Variants in MOB4 observed in about 807,000 individuals in gnomAD.
MOB4 encodes MOB family member 4, phocein, also known as MOB-like protein phocein.
A neutral mutation model predicts 32.2 loss-of-function variants in MOB4; 4 were observed. That is an observed-to-expected ratio of 0.12 (90% confidence interval 0.06 to 0.28). The LOEUF (loss-of-function observed/expected upper bound fraction) is 0.28. Ranked by LOEUF, MOB4 falls within the 10% of genes least tolerant of loss-of-function variation. The pLI, the probability that MOB4 is intolerant of heterozygous loss-of-function variation, is 1.00. For synonymous variants in MOB4, 88 were observed against 88.1 expected (o/e 1.00, Z 0.01); for missense variants, 158 against 271.2 (o/e 0.58, Z 2.93).
chr2:197,533,586 G>A (rs927597512), intron 2 of MOB4, among the ~76,000 whole-genome samples: 2 of 151,852 alleles, frequency 1.3e-5, no homozygotes, highest in African/African-American at 2.4e-5. Flanking sequence ...TTAGCCGGGC[G>A]TGATGGCAGG....
intron 1 of MOB4, among the ~76,000 whole-genome samples, chr2:197,518,471 A>G (rs1024045016): frequency 6.7e-6 from 1 of 149,084 alleles, no homozygotes; most frequent in Non-Finnish European, 1.5e-5. Context: ...CATGTTAACC[A>G]GGCTGGTCTC....
intron 2 of MOB4, 118 bp from the exon 3 acceptor site, chr2:197,535,412 A>G (rs1016415096): frequency 1.2e-6 from 1 of 837,614 alleles, no homozygotes. Context: ...TTTCCTATTT[A>G]GTGTATAACC....
In MOB4 at chr2:197,548,798, A is replaced by G. The variant is rs561049999; in HGVS notation, c.434+383A>G. On this transcript the variant is annotated intron_variant, in intron 6 of 7. Transcript: ENST00000323303. The stretch of plus-strand genomic sequence containing the variant: ...TCAAAGCTCAAGGCCAGTTCAGTCT[A>G]AGGCTAGTACCTGTTCATATATGTC... 4.6e-5 allele frequency among the ~76,000 whole-genome samples: 7 copies of G among 152,260 alleles called. No homozygotes were observed. In the South Asian group the frequency reaches 1.4e-3, roughly 32 times the overall value.
intron 2 of MOB4, among the ~76,000 whole-genome samples, chr2:197,535,084 G>A (rs911381058): frequency 1.3e-5 from 2 of 152,264 alleles, no homozygotes; most frequent in Non-Finnish European, 1.5e-5. Flanking sequence ...TTAGCCCGGC[G>A]TGATGGCGTG....
At chr2:197,516,638 C>G in intron 1 of MOB4, 1 of 472,242 alleles carries the variant, frequency 2.1e-6, no homozygotes, top group South Asian at 1.5e-5. Context: ...CTTGTCTAGC[C>G]GGATCCGGGT....
intron 2 of MOB4, chr2:197,533,687 T>A: frequency 3.3e-6 from 1 of 298,558 alleles, no homozygotes; most frequent in Non-Finnish European, 6.3e-6. Context: ...ACTGAGCCAT[T>A]GCACTCCAGC....
chr2:197,523,429 C>T (rs1343568466), intron 1 of MOB4, among the ~76,000 whole-genome samples, 195 bp from the exon 2 acceptor site: 1 of 152,166 alleles, frequency 6.6e-6, no homozygotes, highest in South Asian at 2.1e-4. Flanking sequence ...CCACTGCACA[C>T]AAGCATGGGC....
chr2:197,550,811 C>A lies in MOB4; in HGVS notation c.*165C>A, dbSNP rs2087086070. Reference sequence around the variant, plus strand: ...AATGGGAAATACTTTTTAAGTTATTCATAAGCTGTATATTCACCAGTGTGG... The same window carrying A: ...AATGGGAAATACTTTTTAAGTTATTAATAAGCTGTATATTCACCAGTGTGG... On this transcript the variant is annotated 3_prime_UTR_variant, in exon 8 of 8. Transcript: ENST00000323303. 1 of 793,516 alleles carries A rather than the reference C, an allele frequency of 1.3e-6. No individual in the cohort carries two copies. The allele number at this position is 793,516 out of a possible 1,614,324, so 49.2% of individuals were successfully genotyped here. A position where few individuals can be genotyped will look rare whatever the true frequency, so the allele number is the denominator to read the frequency against.
chr2:197,538,839 A>G (rs2086847933), intron 3 of MOB4, among the ~76,000 whole-genome samples: 1 of 152,240 alleles, frequency 6.6e-6, no homozygotes, highest in South Asian at 2.1e-4. Flanking sequence ...TCTACTTGAT[A>G]GGGGACAGTA....
chr2:197,530,720 C>A (rs2086686931), intron 2 of MOB4, among the ~76,000 whole-genome samples: 1 of 152,030 alleles, frequency 6.6e-6, no homozygotes, highest in Non-Finnish European at 1.5e-5. Context: ...TCCAACTCAG[C>A]CTCTCAAGTA....
chr2:197,518,274 G>GT (rs997691985), intron 1 of MOB4, among the ~76,000 whole-genome samples: 38 of 149,612 alleles, frequency 2.5e-4, no homozygotes, highest in Non-Finnish European at 4.6e-4. Context: ...TCTTTTTTTT[G>GT]TTTTTTTCTT....
intron 1 of MOB4, among the ~76,000 whole-genome samples, chr2:197,522,323 C>CTTTTTTTTTTTTT (rs57163165): frequency 1.1e-4 from 7 of 66,494 alleles, no homozygotes; most frequent in East Asian, 4.9e-4. Context: ...GGGTGATTAC[C>CTTTTTTTTTTTTT]TTTTTTTTTT....
intron 2 of MOB4, among the ~76,000 whole-genome samples, chr2:197,530,300 A>G (rs1298036769): frequency 6.8e-6 from 1 of 148,070 alleles, no homozygotes; most frequent in African/African-American, 2.5e-5. Context: ...ACAGGGTCTC[A>G]CTCTGTTGCC....
At chr2:197,523,540 T>G in intron 1 of MOB4, 84 bp from the exon 2 acceptor site, 1 of 1,384,270 alleles carries the variant, frequency 7.2e-7, no homozygotes, top group Non-Finnish European at 9.9e-7. Context: ...TCCCCTCTAG[T>G]GTGAGCTTTG....
intron 5 of MOB4, among the ~76,000 whole-genome samples, chr2:197,541,324 T>C (rs151240533): frequency 0.013 from 1,934 of 152,326 alleles, 21 homozygotes; most frequent in Non-Finnish European, 0.021. Context: ...TCCCTTAATC[T>C]GTATTCCCAT....
intron 2 of MOB4, among the ~76,000 whole-genome samples, chr2:197,528,740 C>T (rs1353068343): frequency 2.6e-5 from 4 of 151,212 alleles, no homozygotes; most frequent in African/African-American, 7.3e-5. Context: ...CTCAGCCTCC[C>T]GAGTAGCTGG....
intron 1 of MOB4, among the ~76,000 whole-genome samples, chr2:197,518,927 T>C (rs910639735): frequency 1.3e-4 from 20 of 151,992 alleles, no homozygotes; most frequent in African/African-American, 4.8e-4. Flanking sequence ...GACTAATTTT[T>C]TTTTGTATTT....
At chr2:197,519,803 T>A (rs2086482427) in intron 1 of MOB4, among the ~76,000 whole-genome samples, 1 of 152,222 alleles carries the variant, frequency 6.6e-6, no homozygotes, top group South Asian at 2.1e-4. Context: ...CTTCCTTAGT[T>A]TTTTTAAAAA....
At chr2:197,525,777 G>A (rs2086602732) in intron 2 of MOB4, among the ~76,000 whole-genome samples, 1 of 151,484 alleles carries the variant, frequency 6.6e-6, no homozygotes, top group Non-Finnish European at 1.5e-5. Context: ...TCACGATATA[G>A]CTAGCAATGA....
Sources: gnomAD v4.1 joint callset for allele counts (sites outside exome capture counted in the v4.1 genomes callset) on GRCh38, gnomAD v4.1.1 for gene constraint, MANE v1.5 for transcripts, NCBI Gene and HGNC (gene_info 2026-07-23, HGNC 2026-07-21) for gene names.